MAGI1: variants seen among roughly 807,000 people sequenced by gnomAD.
MAGI1 encodes the protein membrane associated guanylate kinase, WW and PDZ domain containing 1.
A neutral mutation model predicts 139.9 loss-of-function variants in MAGI1; 58 were observed. The ratio of observed to expected loss-of-function variants is 0.41; its 90% CI spans 0.34 to 0.52. The LOEUF (loss-of-function observed/expected upper bound fraction) is 0.52. Ranked by LOEUF, MAGI1 falls within the 20% of genes least tolerant of loss-of-function variation. The pLI, the probability that MAGI1 is intolerant of heterozygous loss-of-function variation, is 0.12. For missense variants in MAGI1, 1,874 were observed against 1,901.6 expected, an observed-to-expected ratio of 0.99 and a Z score of 0.27; for synonymous variants, 812 against 737.9, an observed-to-expected ratio of 1.10 and a Z score of -1.63.
chr3:65,786,376 A>G (rs2039382221), intron 1 of MAGI1, among the ~76,000 whole-genome samples: 2 of 150,856 alleles, frequency 1.3e-5, no homozygotes, highest in African/African-American at 4.9e-5. Context: ...ACATGATCAC[A>G]GCTCACTGCA....
chr3:65,804,200 G>A lies in MAGI1; in HGVS notation c.314-182112C>T, dbSNP rs1238211456. On this transcript the variant is annotated intron_variant, in intron 1 of 22. Transcript: ENST00000402939. The stretch of plus-strand genomic sequence containing the variant: ...AATGGCCTGGCAGAGACCCTGCGTG[G>A]CACAAGCCACAAATAAGAACATTCT... Among the ~76,000 whole-genome samples, 3 of 151,578 alleles carry A rather than the reference G, an allele frequency of 2.0e-5. No individual in the cohort carries two copies. The South Asian group carries it at 6.2e-4, about 31-fold the overall frequency.
At chr3:65,880,524 A>G (rs1159849832) in intron 1 of MAGI1, among the ~76,000 whole-genome samples, 5 of 152,200 alleles carry the variant, frequency 3.3e-5, no homozygotes, top group Non-Finnish European at 7.3e-5. Flanking sequence ...TGGCAGGACA[A>G]TTATGAACAA....
chr3:65,498,434 A>C (rs2076957059), intron 2 of MAGI1, among the ~76,000 whole-genome samples: 1 of 152,176 alleles, frequency 6.6e-6, no homozygotes, highest in Admixed American at 6.5e-5. Flanking sequence ...AACCCCCCAA[A>C]AAAGAAAAAA....
intron 2 of MAGI1, among the ~76,000 whole-genome samples, chr3:65,542,393 T>C (rs1265660219): frequency 6.6e-6 from 1 of 152,210 alleles, no homozygotes; most frequent in East Asian, 1.9e-4. Context: ...TACCATTGAC[T>C]TTCTTCACAG....
intron 1 of MAGI1, among the ~76,000 whole-genome samples, chr3:66,010,126 A>T (rs530839961): frequency 6.6e-6 from 1 of 152,020 alleles, no homozygotes; most frequent in Non-Finnish European, 1.5e-5. Flanking sequence ...TATTTTTAAA[A>T]ACAATAACGA....
At chr3:65,901,573 G>A (rs780675687) in intron 1 of MAGI1, among the ~76,000 whole-genome samples, 15 of 152,212 alleles carry the variant, frequency 9.9e-5, no homozygotes, top group African/African-American at 1.7e-4. Context: ...GCTTGCTATC[G>A]CTGTGGAAAA....
rs989735372 is a variant in MAGI1 at position 65,638,329 on chromosome 3, G to C, written c.314-16241C>G. On this transcript the variant is annotated intron_variant, in intron 1 of 22. Coordinates refer to ENST00000402939, the MANE Select transcript of MAGI1 (RefSeq NM_001033057.2). ...CCTTTCATGAAATTCTATTCTCCAA[G>C]AAGGTAACAGAAAAGAATTTTTTTT... is the stretch of plus-strand genomic sequence containing the variant. 7.2e-5 allele frequency among the ~76,000 whole-genome samples: 11 copies of C among 152,168 alleles called. No homozygotes were observed. In the South Asian group the frequency reaches 1.0e-3, roughly 14 times the overall value.
chr3:65,819,876 A>AAAAAAAAAAAAAAAAAAAAAC (rs2041844254), intron 1 of MAGI1, among the ~76,000 whole-genome samples: 1 of 83,408 alleles, frequency 1.2e-5, no homozygotes, highest in Non-Finnish European at 2.2e-5. Context: ...ACTCCATCTC[A>AAAAAAAAAAAAAAAAAAAAAC]AAAAAAAAAA....
At chr3:65,684,167 C>CAAAAAAAAAAAAAAAA (rs1163089641) in intron 1 of MAGI1, among the ~76,000 whole-genome samples, 1 of 79,414 alleles carries the variant, frequency 1.3e-5, no homozygotes. Context: ...GAGACTGTCT[C>CAAAAAAAAAAAAAAAA]AAAAAAAAAA....
At chr3:65,738,503 T>C (rs760271275) in intron 1 of MAGI1, among the ~76,000 whole-genome samples, 2 of 152,218 alleles carry the variant, frequency 1.3e-5, no homozygotes, top group Non-Finnish European at 2.9e-5. Context: ...GCCTCTAGAA[T>C]GGTAAATTGT....
chr3:65,842,625 T>C (rs1287662477), intron 1 of MAGI1, among the ~76,000 whole-genome samples: 1 of 152,180 alleles, frequency 6.6e-6, no homozygotes, highest in Non-Finnish European at 1.5e-5. Flanking sequence ...CCTCCCAAAG[T>C]GCTTGGATTA....
At chr3:65,757,654 C>A (rs533291170) in intron 1 of MAGI1, among the ~76,000 whole-genome samples, 20 of 152,306 alleles carry the variant, frequency 1.3e-4, no homozygotes, top group African/African-American at 4.8e-4. Flanking sequence ...TTATTAATTT[C>A]TATAAATAGA....
intron 2 of MAGI1, among the ~76,000 whole-genome samples, chr3:65,558,585 G>A (rs2080197575): frequency 6.6e-6 from 1 of 152,046 alleles, no homozygotes; most frequent in African/African-American, 2.4e-5. Flanking sequence ...AGTTATTATG[G>A]TACAGAAAAG....
intron 2 of MAGI1, among the ~76,000 whole-genome samples, chr3:65,523,804 G>A (rs2107810519): frequency 6.6e-6 from 1 of 152,274 alleles, no homozygotes. Context: ...ATTAGCCTTA[G>A]GGGTAAAAAT....
At chr3:65,820,226 T>C (rs1167414049) in intron 1 of MAGI1, among the ~76,000 whole-genome samples, 2 of 152,126 alleles carry the variant, frequency 1.3e-5, no homozygotes, top group Non-Finnish European at 2.9e-5. Context: ...TTTTTCAGCC[T>C]TTCAGCTTGC....
In MAGI1 at chr3:65,811,987, T is replaced by C. The variant is rs73832965; in HGVS notation, c.314-189899A>G. 2.9e-3 allele frequency among the ~76,000 whole-genome samples: 442 copies of C among 151,580 alleles called. 3 individuals are homozygous for C. The highest frequency in any genetic ancestry group is 0.01 in the African/African-American group (421 of 41,328). On this transcript the variant is annotated intron_variant, in intron 1 of 22. Coordinates refer to ENST00000402939, the MANE Select transcript of MAGI1 (RefSeq NM_001033057.2). ...GAGAGAGAGCGTGCACTCGCAGCTA[T>C]AAACACAAAACTATTTCTTTTTGCG...
chr3:65,478,543 C>T (rs554703971), intron 4 of MAGI1, 49 bp downstream of exon 4: 15 of 1,557,822 alleles, frequency 9.6e-6, no homozygotes, highest in East Asian at 9.0e-5. Flanking sequence ...AAAGCCTCCT[C>T]GTCATCCCTT....
chr3:65,800,844 C>A (rs894620331), intron 1 of MAGI1, among the ~76,000 whole-genome samples: 5 of 152,142 alleles, frequency 3.3e-5, no homozygotes, highest in Admixed American at 6.6e-5. Context: ...ATCTATTTGT[C>A]ACACAGTTTA....
chr3:65,578,625 G>C (rs2081278837), intron 2 of MAGI1, among the ~76,000 whole-genome samples: 2 of 152,126 alleles, frequency 1.3e-5, no homozygotes, highest in South Asian at 4.1e-4. Flanking sequence ...CTCTCAATGA[G>C]AACAGATATT....
Sources: gnomAD v4.1 joint callset for allele counts (sites outside exome capture counted in the v4.1 genomes callset) on GRCh38, gnomAD v4.1.1 for gene constraint, MANE v1.5 for transcripts, NCBI Gene and HGNC (gene_info 2026-07-23, HGNC 2026-07-21) for gene names.